The following RABGAP1L variants were observed in gnomAD, a reference collection of about 807,000 sequenced individuals.
The protein encoded by RABGAP1L is RAB GTPase activating protein 1 like, also known as rab GTPase-activating protein 1-like.
A neutral mutation model predicts 137.7 loss-of-function variants in RABGAP1L; 63 were observed. That is an observed-to-expected ratio of 0.46 (90% CI 0.37 to 0.56). RABGAP1L has a LOEUF of 0.56. Ranked by LOEUF, RABGAP1L falls within the 20% of genes least tolerant of loss-of-function variation. The pLI is 0.00. For missense variants in RABGAP1L, 1,095 were observed against 1,244.0 expected, an observed-to-expected ratio of 0.88 and a Z score of 1.80; for synonymous variants, 431 against 433.7, an observed-to-expected ratio of 0.99 and a Z score of 0.08.
At chr1:174,794,357 C>T (rs1688083577) in intron 18 of RABGAP1L, among the ~76,000 whole-genome samples, 1 of 152,146 alleles carries the variant, frequency 6.6e-6, no homozygotes, top group African/African-American at 2.4e-5. Flanking sequence ...AAACCCTAAC[C>T]CAGATAAACG....
chr1:174,365,399 G>C (rs1684524250), intron 11 of RABGAP1L: 1 of 152,166 alleles, frequency 6.6e-6, no homozygotes, highest in African/African-American at 2.4e-5. Flanking sequence ...AGTGCTAGGA[G>C]TTGCCTAGGA....
chr1:174,632,925 G>A (rs1395529557), intron 13 of RABGAP1L, among the ~76,000 whole-genome samples: 21 of 152,048 alleles, frequency 1.4e-4, no homozygotes, highest in South Asian at 4.2e-4. Flanking sequence ...GCTTTGTTCC[G>A]TTGCTGGTGA....
chr1:174,384,317 G>A (rs1215590297), intron 12 of RABGAP1L, among the ~76,000 whole-genome samples: 1 of 152,046 alleles, frequency 6.6e-6, no homozygotes, highest in Non-Finnish European at 1.5e-5. Flanking sequence ...GGGGAATGAG[G>A]GAACTATCCT....
intron 13 of RABGAP1L, among the ~76,000 whole-genome samples, chr1:174,587,278 T>C (rs950690059): frequency 1.7e-5 from 2 of 114,416 alleles, no homozygotes; most frequent in African/African-American, 6.9e-5. Flanking sequence ...ATGGGATGGC[T>C]GGGTCAAACT....
chr1:174,949,641 T>G (rs982235673), intron 19 of RABGAP1L, among the ~76,000 whole-genome samples: 2 of 152,202 alleles, frequency 1.3e-5, no homozygotes, highest in African/African-American at 4.8e-5. Context: ...CAATTGGATA[T>G]GCAGGCTAAG....
intron 7 of RABGAP1L, among the ~76,000 whole-genome samples, chr1:174,271,382 C>T (rs1169597637): frequency 2.0e-5 from 3 of 152,124 alleles, no homozygotes; most frequent in South Asian, 2.1e-4. Context: ...ATGAGAATAA[C>T]GGTTGAGTGG....
intron 18 of RABGAP1L, among the ~76,000 whole-genome samples, chr1:174,782,244 A>C (rs938638624): frequency 2.0e-5 from 3 of 152,096 alleles, no homozygotes; most frequent in Non-Finnish European, 4.4e-5. Context: ...TATTTCATTG[A>C]GCAGTGGTTT....
intron 19 of RABGAP1L, among the ~76,000 whole-genome samples, chr1:174,923,033 T>TG (rs1294400093): frequency 6.6e-6 from 1 of 151,854 alleles, no homozygotes; most frequent in Non-Finnish European, 1.5e-5. Flanking sequence ...CAGCCAAGTA[T>TG]GGTGGCACAT....
intron 13 of RABGAP1L, among the ~76,000 whole-genome samples, chr1:174,476,699 A>G (rs1571975952): frequency 6.6e-6 from 1 of 152,162 alleles, no homozygotes; most frequent in African/African-American, 2.4e-5. Flanking sequence ...TCTCTTACCT[A>G]AGTGATTTCA....
chr1:174,861,629 T>C (rs1373360140), intron 19 of RABGAP1L, among the ~76,000 whole-genome samples: 1 of 152,208 alleles, frequency 6.6e-6, no homozygotes, highest in Non-Finnish European at 1.5e-5. Context: ...ATCTCTTTTT[T>C]TTTAAATAAT....
chr1:174,620,373 C>T (rs529341879), intron 13 of RABGAP1L, among the ~76,000 whole-genome samples: 2 of 152,264 alleles, frequency 1.3e-5, no homozygotes, highest in East Asian at 3.9e-4. Context: ...TAATTGACCA[C>T]ATAGTTGGAA....
intron 1 of RABGAP1L, among the ~76,000 whole-genome samples, chr1:174,170,706 GTGAGAGGCAGTTA>G (rs1665300631): frequency 6.8e-6 from 1 of 147,950 alleles, no homozygotes. Context: ...CACGTAGCTT[GTGAGAGGCAGTTA>G]TCTCTTGCTT....
At chr1:174,987,199 GCT>G (rs899252112) in intron 24 of RABGAP1L, among the ~76,000 whole-genome samples, 5 of 151,718 alleles carry the variant, frequency 3.3e-5, no homozygotes, top group African/African-American at 1.2e-4. Flanking sequence ...ACGGAGTCTT[GCT>G]CTGTCGCCAG....
At chr1:174,284,161 A>G (rs1163992466) in intron 10 of RABGAP1L, among the ~76,000 whole-genome samples, 1 of 152,218 alleles carries the variant, frequency 6.6e-6, no homozygotes, top group Non-Finnish European at 1.5e-5. Flanking sequence ...AATTTCAAGT[A>G]CACAATACAA....
intron 11 of RABGAP1L, among the ~76,000 whole-genome samples, chr1:174,320,154 G>A (rs1679812247): frequency 6.6e-6 from 1 of 152,084 alleles, no homozygotes; most frequent in Admixed American, 6.6e-5. Flanking sequence ...GGTTTGAAAA[G>A]TGTTATACAT....
At chr1:174,620,716 T>G (rs895043996) in intron 13 of RABGAP1L, among the ~76,000 whole-genome samples, 2 of 151,718 alleles carry the variant, frequency 1.3e-5, no homozygotes, top group East Asian at 3.9e-4. Flanking sequence ...AACATCACAA[T>G]TAAAAGAACT....
chr1:174,859,255 G>A (rs1039417723), intron 19 of RABGAP1L, among the ~76,000 whole-genome samples: 45 of 152,304 alleles, frequency 3.0e-4, no homozygotes, highest in Middle Eastern at 3.4e-3. Context: ...GCCAAGACGG[G>A]TGGATCATGA....
At chr1:174,231,640 C>T (rs1302870042) in intron 4 of RABGAP1L, among the ~76,000 whole-genome samples, 1 of 152,138 alleles carries the variant, frequency 6.6e-6, no homozygotes, top group Non-Finnish European at 1.5e-5. Context: ...AAACATGATG[C>T]TGGCCATCTG....
intron 11 of RABGAP1L, among the ~76,000 whole-genome samples, chr1:174,362,499 T>G (rs950728315): frequency 1.3e-5 from 2 of 152,212 alleles, no homozygotes; most frequent in Admixed American, 6.5e-5. Context: ...GGTATCTCAT[T>G]GTGGTTTTGA....
Sources: allele counts gnomAD v4.1 joint callset (sites outside exome capture counted in the v4.1 genomes callset), GRCh38; gene constraint gnomAD v4.1.1; transcripts MANE v1.5; gene names NCBI Gene and HGNC (gene_info 2026-07-23, HGNC 2026-07-21).